Variants in POLA1 observed in about 807,000 individuals in gnomAD.
The protein encoded by POLA1 is DNA polymerase alpha 1, catalytic subunit.
Under a neutral mutation model 124.0 loss-of-function variants are expected in POLA1, and 15 were observed. The ratio of observed to expected loss-of-function variants is 0.12; its 90% CI spans 0.08 to 0.19. The LOEUF (loss-of-function observed/expected upper bound fraction) is 0.19, where lower values mean the gene tolerates loss of function less well. Ranked by LOEUF, POLA1 falls within the 10% of genes least tolerant of loss-of-function variation. The probability of loss-of-function intolerance (pLI) is 1.00; values close to 1 mark genes in which losing one functional copy is unlikely to be tolerated. For missense variants in POLA1, 886 were observed against 1,103.4 expected, an observed-to-expected ratio of 0.80 and a Z score of 2.79; for synonymous variants, 408 against 389.4, an observed-to-expected ratio of 1.05 and a Z score of -0.56.
At chrX:24,972,437 C>T (rs2147275318) in intron 36 of POLA1, among the ~76,000 whole-genome samples, 1 of 111,853 alleles carries the variant, frequency 8.9e-6, no homozygotes, top group Non-Finnish European at 1.9e-5. Flanking sequence ...TCTGTTTGGA[C>T]CACCACCATA....
chrX:24,838,112 T>C (rs1003637803), intron 32 of POLA1, among the ~76,000 whole-genome samples: 3 of 110,648 alleles, frequency 2.7e-5, no homozygotes, highest in Non-Finnish European at 5.7e-5. Flanking sequence ...ACACTGGGGG[T>C]GTGTGTGATA....
intron 32 of POLA1, among the ~76,000 whole-genome samples, chrX:24,834,033 T>G (rs1324842996): frequency 9.5e-6 from 1 of 105,045 alleles, no homozygotes; most frequent in African/African-American, 3.5e-5. Flanking sequence ...TGCAGTGAGC[T>G]AGGTCAAGGC....
At chrX:24,846,464 AT>A (rs1458244745) in intron 34 of POLA1, among the ~76,000 whole-genome samples, 1 of 112,054 alleles carries the variant, frequency 8.9e-6, no homozygotes, top group Non-Finnish European at 1.9e-5. Context: ...AGTTGATTTC[AT>A]GCCCTGGTCC....
At chrX:24,751,729 T>G (rs1483887524) in intron 26 of POLA1, among the ~76,000 whole-genome samples, 2 of 112,371 alleles carry the variant, frequency 1.8e-5, no homozygotes, top group African/African-American at 3.2e-5. Context: ...CACTGGTGGA[T>G]GGAAGTAGTC....
chrX:24,991,210 C>T (rs1478806529), intron 36 of POLA1, among the ~76,000 whole-genome samples: 1 of 108,705 alleles, frequency 9.2e-6, no homozygotes, highest in Non-Finnish European at 1.9e-5. Context: ...CCCCCACACC[C>T]ACCCAAAAAA....
chrX:24,973,186 G>A (rs986190982), intron 36 of POLA1, among the ~76,000 whole-genome samples: 10 of 111,288 alleles, frequency 9.0e-5, no homozygotes, highest in East Asian at 2.8e-4. Flanking sequence ...GTGAAACCCC[G>A]TCTCTACTAA....
At chrX:24,726,418 G>C (rs1159889697) in intron 13 of POLA1, among the ~76,000 whole-genome samples, 1 of 112,027 alleles carries the variant, frequency 8.9e-6, no homozygotes, top group African/African-American at 3.2e-5. Context: ...TTGCTATAGT[G>C]CTGCTCTTGC....
chrX:24,937,832 A>G (rs2047870683), intron 36 of POLA1, among the ~76,000 whole-genome samples: 1 of 112,554 alleles, frequency 8.9e-6, no homozygotes, highest in Non-Finnish European at 1.9e-5. Flanking sequence ...TATTTTATTC[A>G]TTCATTGATT....
At chrX:24,755,881 C>A (rs1932576364) in intron 26 of POLA1, among the ~76,000 whole-genome samples, 1 of 112,124 alleles carries the variant, frequency 8.9e-6, no homozygotes, top group African/African-American at 3.2e-5. Context: ...TACTTGTTTG[C>A]TTCCTTGTAG....
At chrX:24,885,586 G>A (rs1308344224) in intron 34 of POLA1, among the ~76,000 whole-genome samples, 1 of 110,667 alleles carries the variant, frequency 9.0e-6, no homozygotes, top group African/African-American at 3.3e-5. Context: ...CCAGGCAGGA[G>A]TGCAGTGGTG....
intron 35 of POLA1, among the ~76,000 whole-genome samples, chrX:24,917,072 G>C (rs2047544031): frequency 9.0e-6 from 1 of 111,641 alleles, no homozygotes; most frequent in African/African-American, 3.3e-5. Flanking sequence ...GGGAGGCTGA[G>C]GCGGGTGGAT....
chrX:24,772,878 G>A (rs1007690062), intron 26 of POLA1, among the ~76,000 whole-genome samples: 1 of 111,970 alleles, frequency 8.9e-6, no homozygotes, highest in Non-Finnish European at 1.9e-5. Flanking sequence ...AGACATGCAT[G>A]TGTCTGTTCA....
intron 26 of POLA1, among the ~76,000 whole-genome samples, chrX:24,778,300 G>A (rs1412208962): frequency 6.3e-5 from 7 of 110,810 alleles, no homozygotes; most frequent in Non-Finnish European, 1.1e-4. Flanking sequence ...GCACGATCTC[G>A]GCTCACTGCA....
At chrX:24,792,306 G>C (rs764978959) in intron 26 of POLA1, among the ~76,000 whole-genome samples, 2 of 111,727 alleles carry the variant, frequency 1.8e-5, no homozygotes, top group African/African-American at 6.5e-5. Context: ...TCCCACTGTT[G>C]ATTAGCTAGA....
At chrX:24,884,947 C>A (rs2047047395) in intron 34 of POLA1, among the ~76,000 whole-genome samples, 1 of 111,987 alleles carries the variant, frequency 8.9e-6, no homozygotes, top group Non-Finnish European at 1.9e-5. Flanking sequence ...GTTAGTACCT[C>A]TGTCAGAGTT....
chrX:24,848,122 A>T (rs1430792479), intron 34 of POLA1, among the ~76,000 whole-genome samples: 1 of 112,187 alleles, frequency 8.9e-6, no homozygotes, highest in Admixed American at 9.5e-5. Flanking sequence ...CATTGTCCAG[A>T]TAGAAGAATC....
intron 34 of POLA1, among the ~76,000 whole-genome samples, chrX:24,866,422 TC>T (rs776883030): frequency 1.2e-4 from 13 of 111,983 alleles, no homozygotes; most frequent in Non-Finnish European, 2.3e-4. Context: ...ATAATCTTGA[TC>T]CATTTCAAAT....
intron 35 of POLA1, among the ~76,000 whole-genome samples, chrX:24,891,961 A>G (rs752182607): frequency 9.0e-6 from 1 of 111,402 alleles, no homozygotes; most frequent in South Asian, 3.8e-4. Context: ...TTATCTGCAC[A>G]TAATAAACCT....
At chrX:24,990,761 G>A (rs1330985799) in intron 36 of POLA1, among the ~76,000 whole-genome samples, 2 of 111,919 alleles carry the variant, frequency 1.8e-5, no homozygotes, top group Non-Finnish European at 3.8e-5. Context: ...GTTGGAGCGC[G>A]TTTTGTAGGA....
Sources: gnomAD v4.1 joint callset for allele counts (sites outside exome capture counted in the v4.1 genomes callset) on GRCh38, gnomAD v4.1.1 for gene constraint, MANE v1.5 for transcripts, NCBI Gene and HGNC (gene_info 2026-07-23, HGNC 2026-07-21) for gene names.